Variants in CLDN18 observed in about 807,000 individuals in gnomAD.
The protein encoded by CLDN18 is claudin-18.
A neutral mutation model predicts 25.0 loss-of-function variants in CLDN18; 20 were observed. That is an observed-to-expected ratio of 0.80 (90% CI 0.56 to 1.16). CLDN18 has a LOEUF of 1.16. Among genes scored for constraint, CLDN18 ranks in the 50% most tolerant of loss-of-function variants. The probability of loss-of-function intolerance (pLI) is 0.00; values close to 1 mark genes in which losing one functional copy is unlikely to be tolerated. For synonymous variants in CLDN18, 125 were observed against 135.6 expected, an observed-to-expected ratio of 0.92 and a Z score of 0.54; for missense variants, 297 against 345.4, an observed-to-expected ratio of 0.86 and a Z score of 1.11.
At chr3:138,025,273 G>T (rs1053874959) in intron 3 of CLDN18, among the ~76,000 whole-genome samples, 4 of 152,192 alleles carry the variant, frequency 2.6e-5, no homozygotes, top group Non-Finnish European at 5.9e-5. Context: ...CACTCTCACA[G>T]GGGGTACAGT....
In CLDN18 at chr3:138,032,027, T is replaced by G. The variant is rs1942402821; in HGVS notation, c.*886T>G. ...TATATGGTACTTTGTAAAGTCATGC[T>G]TAAGTACAAATTCCATGAAAAGCTC... On this transcript the variant is annotated 3_prime_UTR_variant, in exon 5 of 5. Coordinates refer to ENST00000183605, the MANE Select transcript of CLDN18 (RefSeq NM_016369.4). The G allele has an allele frequency of 6.6e-6, 1 of 152,218 alleles. No individual in the cohort carries two copies. Among genetic ancestry groups the G allele is most frequent in the South Asian group, 2.1e-4 (1 of 4,830 alleles). 9.4% of individuals were successfully genotyped at this position (152,218 alleles called of 1,614,324 possible).
At chr3:138,008,864 T>A (rs565633160), upstream of CLDN18, among the ~76,000 whole-genome samples, 2 of 152,040 alleles carry the variant, frequency 1.3e-5, no homozygotes, top group African/African-American at 2.4e-5. Context: ...AGGCAGAATT[T>A]GCAGTGACCC....
intron 1 of CLDN18, among the ~76,000 whole-genome samples, chr3:138,023,061 C>T (rs1423358303): frequency 6.6e-6 from 1 of 152,218 alleles, no homozygotes; most frequent in Non-Finnish European, 1.5e-5. Context: ...GTTTTATATA[C>T]ATCTGAAACC....
intron 1 of CLDN18, among the ~76,000 whole-genome samples, chr3:138,012,884 A>G (rs1022383692): frequency 2.0e-4 from 31 of 152,216 alleles, no homozygotes; most frequent in Non-Finnish European, 1.5e-5. Context: ...TTCAGTAGGA[A>G]GAGTCAGGAG....
chr3:138,019,157 A>G (rs547671231), intron 1 of CLDN18, among the ~76,000 whole-genome samples: 1 of 152,230 alleles, frequency 6.6e-6, no homozygotes, highest in Non-Finnish European at 1.5e-5. Flanking sequence ...GATCTATGCA[A>G]GAGATATCTT....
At position 138,010,273 on chromosome 3, in the gene CLDN18, G is replaced by A. The variant is rs1942118474; in HGVS notation, c.48G>A (p.Leu16=). ...TGGTGGCGTTCCTCCTGTCCATCCT[G>A]GGGCTGGCCGGCTGCATCGCGGCCA... is the stretch of plus-strand genomic sequence containing the variant. ...CQVVAFLLSI[L]GLAGCIAATG... is the part of the protein sequence containing the mutation. The change falls in exon 1 of 5, where the codon CTG becomes CTA. Residue 16 remains leucine (L), a synonymous_variant. Transcript: ENST00000183605. 4 of 1,613,978 alleles carry A rather than the reference G, an allele frequency of 2.5e-6. No individual in the cohort carries two copies. The highest frequency in any genetic ancestry group is 2.2e-5 in the East Asian group (1 of 44,874).
intron 1 of CLDN18, among the ~76,000 whole-genome samples, chr3:138,003,032 T>A (rs1327450153): frequency 6.6e-6 from 1 of 152,186 alleles, no homozygotes; most frequent in Non-Finnish European, 1.5e-5. Context: ...AAAGGGCTCA[T>A]AAATCTAGGA....
exon 1 of CLDN18, chr3:137,998,852 C>T (rs765040688): frequency 8.7e-6 from 14 of 1,612,788 alleles, no homozygotes; most frequent in East Asian, 4.5e-5. Flanking sequence ...GGCTCTGTGT[C>T]GACACTGTGC....
At chr3:138,011,874 C>T (rs1942140107) in intron 1 of CLDN18, among the ~76,000 whole-genome samples, 1 of 152,128 alleles carries the variant, frequency 6.6e-6, no homozygotes, top group South Asian at 2.1e-4. Flanking sequence ...TGTGACTTGT[C>T]ACTCCTATTC....
chr3:138,010,764 A>G (rs1274213760), intron 1 of CLDN18, among the ~76,000 whole-genome samples: 2 of 152,248 alleles, frequency 1.3e-5, no homozygotes, highest in African/African-American at 2.4e-5. Context: ...AATTGTGTGC[A>G]TTACTTGCAT....
intron 4 of CLDN18, 72 bp downstream of exon 4, chr3:138,029,979 C>CAA: frequency 1.0e-6 from 1 of 954,100 alleles, no homozygotes; most frequent in Non-Finnish European, 1.6e-6. Context: ...TAACTTGCAG[C>CAA]CAAAAAAAAA....
chr3:138,024,035 G>A (rs1319263481), intron 2 of CLDN18, among the ~76,000 whole-genome samples: 1 of 152,028 alleles, frequency 6.6e-6, no homozygotes, highest in African/African-American at 2.4e-5. Flanking sequence ...TCTTAGCTGG[G>A]TGCAGTGGTT....
Position 138,030,548 on chromosome 3 carries a change from C to T in CLDN18, c.615-422C>T, listed in dbSNP as rs1420645817. On this transcript the variant is annotated intron_variant, in intron 4 of 4. Coordinates refer to ENST00000183605, the MANE Select transcript of CLDN18 (RefSeq NM_016369.4). The stretch of plus-strand genomic sequence containing the variant: ...TGAGGCAATGGGCTGAACGTAGGTA[C>T]CCTCCAGCTCACAAATTCTATGATC... Among the ~76,000 whole-genome samples, 3 of 152,176 alleles carry T rather than the reference C, an allele frequency of 2.0e-5. No individual in the cohort carries two copies. The South Asian group carries it at 6.2e-4, about 32-fold the overall frequency.
intron 1 of CLDN18, among the ~76,000 whole-genome samples, chr3:138,014,934 C>G (rs1261015866): frequency 6.6e-6 from 1 of 152,038 alleles, no homozygotes; most frequent in African/African-American, 2.4e-5. Flanking sequence ...TCAAGACCAG[C>G]CTGGGCAACA....
chr3:138,031,744 C>A lies in CLDN18; in HGVS notation c.*603C>A, dbSNP rs11707127. The A allele has an allele frequency of 0.13, 19,530 of 152,174 alleles. 1,321 individuals are homozygous for A. The highest frequency in any genetic ancestry group is 0.14 in the African/African-American group (5,618 of 41,486). The allele number at this position is 152,174 out of a possible 1,614,324, so 9.4% of individuals were successfully genotyped here. Reference sequence around the variant, plus strand: ...TCATTTTCAGTTTGAGGCAACCAAACCTTTCTACTGCTGTTGACATCTTCT... The same window carrying A: ...TCATTTTCAGTTTGAGGCAACCAAAACTTTCTACTGCTGTTGACATCTTCT... On this transcript the variant is annotated 3_prime_UTR_variant, in exon 5 of 5. Coordinates refer to ENST00000183605, the MANE Select transcript of CLDN18 (RefSeq NM_016369.4).
intron 3 of CLDN18, among the ~76,000 whole-genome samples, chr3:138,025,397 T>C (rs1576412471): frequency 6.6e-6 from 1 of 152,150 alleles, no homozygotes; most frequent in Admixed American, 6.5e-5. Flanking sequence ...TTTAAAGGGA[T>C]AGATCTCATA....
rs1942410703 is a variant in CLDN18, at chr3:138,032,647, C to G, written c.*1506C>G. On this transcript the variant is annotated 3_prime_UTR_variant, in exon 5 of 5. Transcript: ENST00000183605. ...TGCTTTGTTTAGAGACGGGGTCTCACTTTCCAGGCTGGCCTCAAACTCCTG... is the reference window on the plus strand; with the variant it reads ...TGCTTTGTTTAGAGACGGGGTCTCAGTTTCCAGGCTGGCCTCAAACTCCTG... 1 of 152,168 alleles carries G rather than the reference C, an allele frequency of 6.6e-6. No homozygotes were observed. Among genetic ancestry groups the G allele is most frequent in the African/African-American group, 2.4e-5 (1 of 41,428 alleles). The allele number at this position is 152,168 out of a possible 1,614,324, so 9.4% of individuals were successfully genotyped here. A position where few individuals can be genotyped will look rare whatever the true frequency, so the allele number is the denominator to read the frequency against.
In CLDN18 at chr3:138,031,836, C is replaced by T. The variant is rs981498653; in HGVS notation, c.*695C>T. 5 of 152,048 alleles carry T rather than the reference C, an allele frequency of 3.3e-5. No homozygotes were observed. Among genetic ancestry groups the T allele is most frequent in the Admixed American group, 3.3e-4 (5 of 15,264 alleles). The allele number at this position is 152,048 out of a possible 1,614,324, so 9.4% of individuals were successfully genotyped here. ...CTGGAGTCCTCTTTCTGTCGCGGGT[C>T]AGAAATTGTCCCTAGATGAATGAGA... On this transcript the variant is annotated 3_prime_UTR_variant, in exon 5 of 5. Transcript: ENST00000183605.
At chr3:138,003,905 C>T (rs1942042249) in intron 1 of CLDN18, among the ~76,000 whole-genome samples, 1 of 152,170 alleles carries the variant, frequency 6.6e-6, no homozygotes, top group Admixed American at 6.5e-5. Context: ...GGCACGGTGA[C>T]TCACACCTAT....
Sources: allele counts gnomAD v4.1 joint callset (sites outside exome capture counted in the v4.1 genomes callset), GRCh38; gene constraint gnomAD v4.1.1; transcripts MANE v1.5; gene names NCBI Gene and HGNC (gene_info 2026-07-23, HGNC 2026-07-21).